The following PHKA1 variants were observed in gnomAD, a reference collection of about 807,000 sequenced individuals.
PHKA1 encodes phosphorylase b kinase regulatory subunit alpha, skeletal muscle isoform.
PHKA1 carries 60 observed loss-of-function variants against 110.2 expected under a neutral mutation model. That is an observed-to-expected ratio of 0.54 (90% CI 0.44 to 0.68). PHKA1 has a LOEUF of 0.68. PHKA1 is among the 30% of genes least tolerant of loss of function. PHKA1 has a pLI of 0.00. For synonymous variants in PHKA1, 316 were observed against 333.6 expected, an observed-to-expected ratio of 0.95 and a Z score of 0.58; for missense variants, 801 against 942.5, an observed-to-expected ratio of 0.85 and a Z score of 1.97.
At chrX:72,693,684 C>T (rs1433813417) in intron 4 of PHKA1, among the ~76,000 whole-genome samples, 2 of 111,946 alleles carry the variant, frequency 1.8e-5, no homozygotes, top group African/African-American at 3.3e-5. Flanking sequence ...AGGGGAACTC[C>T]AGGCCTGTCA....
At chrX:72,670,010 G>A (rs1378447481) in intron 6 of PHKA1, among the ~76,000 whole-genome samples, 5 of 111,056 alleles carry the variant, frequency 4.5e-5, no homozygotes, top group African/African-American at 1.3e-4. Flanking sequence ...GTGTAAAAGT[G>A]TTCCTATTTC....
intron 6 of PHKA1, among the ~76,000 whole-genome samples, chrX:72,674,199 T>A (rs1380367598): frequency 1.8e-4 from 20 of 110,978 alleles, no homozygotes; most frequent in Non-Finnish European, 3.6e-4. Flanking sequence ...CTTAAGCCAG[T>A]CTATCATTGT....
At chrX:72,708,569 G>A (rs2054323516) in intron 2 of PHKA1, among the ~76,000 whole-genome samples, 1 of 111,771 alleles carries the variant, frequency 8.9e-6, no homozygotes, top group African/African-American at 3.3e-5. Flanking sequence ...TTTCACAGAA[G>A]TGTTAGGAAA....
intron 5 of PHKA1, among the ~76,000 whole-genome samples, chrX:72,679,327 A>G (rs2053815348): frequency 9.1e-6 from 1 of 109,934 alleles, no homozygotes; most frequent in Non-Finnish European, 1.9e-5. Flanking sequence ...CAACTAAATT[A>G]ACTAGGTCCC....
intron 5 of PHKA1, among the ~76,000 whole-genome samples, chrX:72,676,543 A>G (rs2053782282): frequency 8.9e-6 from 1 of 112,191 alleles, no homozygotes; most frequent in Non-Finnish European, 1.9e-5. Context: ...TTTACTCTCT[A>G]TTGGTACTGA....
At chrX:72,695,404 A>G (rs1200441256) in intron 4 of PHKA1, among the ~76,000 whole-genome samples, 1 of 111,685 alleles carries the variant, frequency 9.0e-6, no homozygotes, top group East Asian at 2.8e-4. Context: ...TTTTCTTAAT[A>G]TAATTTAGAT....
At chrX:72,604,570 A>C (rs924671944) in intron 25 of PHKA1, among the ~76,000 whole-genome samples, 5 of 111,686 alleles carry the variant, frequency 4.5e-5, no homozygotes, top group Non-Finnish European at 7.5e-5. Flanking sequence ...ATTTAACAGA[A>C]AGAATGGCTA....
chrX:72,601,963 C>T (rs2052663000), intron 28 of PHKA1, 28 bp downstream of exon 28: 2 of 1,137,016 alleles, frequency 1.8e-6, no homozygotes, highest in Admixed American at 2.2e-5. Context: ...TAAGTTAAAC[C>T]ATGTTAAATG....
chrX:72,645,407 T>A (rs2147749394), intron 13 of PHKA1, among the ~76,000 whole-genome samples: 1 of 112,565 alleles, frequency 8.9e-6, no homozygotes, highest in East Asian at 2.8e-4. Context: ...AACAAAGTGC[T>A]ACTTTGCCTT....
chrX:72,707,630 CGTGTGTGTGTGTGTGT>C (rs61504690), intron 2 of PHKA1, among the ~76,000 whole-genome samples: 2 of 93,633 alleles, frequency 2.1e-5, no homozygotes, highest in Admixed American at 1.2e-4. Flanking sequence ...ATCAAAAAAT[CGTGTGTGTGTGTGTGT>C]GTGTGTGTGT....
In PHKA1 at chrX:72,614,250, C is replaced by T. The variant is rs141927923; in HGVS notation, c.2370-3066G>A. Among the ~76,000 whole-genome samples, 366 of 109,814 alleles carry T rather than the reference C, an allele frequency of 3.3e-3. 1 individual carries two copies. The highest frequency in any genetic ancestry group is 0.012 in the African/African-American group (351 of 30,246). ...AAATGGTTCAGAAAAAAATAATATG[C>T]GTGTGTGATTGAGTATAGATGATGA... On this transcript the variant is annotated intron_variant, in intron 21 of 31. Transcript: ENST00000373542.
At chrX:72,608,369 G>C (rs2052760608) in intron 23 of PHKA1, among the ~76,000 whole-genome samples, 1 of 111,192 alleles carries the variant, frequency 9.0e-6, no homozygotes, top group Admixed American at 9.6e-5. Flanking sequence ...TTCTCTCCCA[G>C]AGTTGCACTA....
chrX:72,664,247 T>C (rs1391369060), intron 8 of PHKA1, among the ~76,000 whole-genome samples: 1 of 110,857 alleles, frequency 9.0e-6, no homozygotes, highest in African/African-American at 3.3e-5. Flanking sequence ...AGATGTTCCA[T>C]GCAAATACAA....
chrX:72,641,230 G>C (rs781796314), intron 14 of PHKA1, among the ~76,000 whole-genome samples: 38 of 111,144 alleles, frequency 3.4e-4, no homozygotes, highest in Non-Finnish European at 5.7e-4. Context: ...TAATCATCTG[G>C]CAACATGTAA....
At position 72,593,180 on chromosome X, in the gene PHKA1, C is replaced by T. The variant is rs2052544822; in HGVS notation, c.3167G>A (p.Arg1056His). Residue 1056 changes from arginine to histidine, a missense_variant, in exon 29 of 32, where the codon CGC becomes CAC. Physicochemically the swap from Arg to His is conservative, Grantham distance 29 (BLOSUM62 0). Transcript: ENST00000373542. The stretch of plus-strand genomic sequence containing the variant: ...CAGTGCCCCATCCAGCCTTCTTCGG[C>T]GTTGCCATTGACCTTGACGACTATC... ...SKDSRQGQWQ[R>H]RRRLDGALNR... is the part of the protein sequence containing the mutation. 8.4e-6 allele frequency: 10 copies of T among 1,192,716 alleles called. No individual in the cohort carries two copies. The highest frequency in any genetic ancestry group is 5.9e-5 in the East Asian group (2 of 33,728).
intron 3 of PHKA1, among the ~76,000 whole-genome samples, chrX:72,701,258 T>C (rs1408377921): frequency 8.9e-6 from 1 of 112,122 alleles, no homozygotes; most frequent in Non-Finnish European, 1.9e-5. Flanking sequence ...TCATATTTCA[T>C]GTACACAGAC....
rs1556228374 is a variant in PHKA1, at chrX:72,593,203, A to C, written c.3144T>G (p.Asp1048Glu). Residue 1048 changes from aspartate (D) to glutamate (E), a missense_variant, in exon 29 of 32, where the codon GAT (aspartate) becomes GAG (glutamate). Coordinates refer to ENST00000373542, the MANE Select transcript of PHKA1 (RefSeq NM_002637.4). ...PSAYDQQSSKDSRQGQWQRRR... is the reference protein window; with the variant it reads ...PSAYDQQSSKESRQGQWQRRR... Reference sequence around the variant, plus strand: ...GGCGTTGCCATTGACCTTGACGACTATCTTTAGATGACTGCTGATCATATG... The same window carrying C: ...GGCGTTGCCATTGACCTTGACGACTCTCTTTAGATGACTGCTGATCATATG... 8.4e-7 allele frequency: 1 copy of C among 1,197,232 alleles called. No homozygotes were observed. The highest frequency in any genetic ancestry group is 1.1e-6 in the Non-Finnish European group (1 of 883,155).
intron 14 of PHKA1, among the ~76,000 whole-genome samples, chrX:72,643,306 T>C (rs929791408): frequency 9.9e-5 from 11 of 111,546 alleles, no homozygotes; most frequent in African/African-American, 3.6e-4. Flanking sequence ...TCTGGGTTTG[T>C]AAGTGGCAAT....
chrX:72,703,609 G>A (rs2054236169), intron 3 of PHKA1, among the ~76,000 whole-genome samples: 1 of 111,595 alleles, frequency 9.0e-6, no homozygotes, highest in Non-Finnish European at 1.9e-5. Flanking sequence ...TGAGCCCAGA[G>A]GCCAAGGCTG....
Sources: gnomAD v4.1 joint callset for allele counts (sites outside exome capture counted in the v4.1 genomes callset) on GRCh38, gnomAD v4.1.1 for gene constraint, MANE v1.5 for transcripts, NCBI Gene and HGNC (gene_info 2026-07-23, HGNC 2026-07-21) for gene names.